The following SLC10A7 variants were observed in gnomAD, a reference collection of about 807,000 sequenced individuals.
SLC10A7 encodes the protein solute carrier family 10 member 7.
SLC10A7 carries 29 observed loss-of-function variants against 43.2 expected under a neutral mutation model. That is an observed-to-expected ratio of 0.67 (90% CI 0.50 to 0.92). SLC10A7 has a LOEUF of 0.92. Among genes scored for constraint, SLC10A7 ranks in the 40% least tolerant of loss-of-function variants. SLC10A7 has a pLI of 0.00. For missense variants in SLC10A7, 295 were observed against 403.2 expected (o/e 0.73, Z 2.30); for synonymous variants, 152 against 144.8 (o/e 1.05, Z -0.35).
chr4:146,492,226 A>G (rs1735526180), intron 4 of SLC10A7, among the ~76,000 whole-genome samples: 1 of 152,008 alleles, frequency 6.6e-6, no homozygotes. Context: ...TCTCAAAAAA[A>G]AAAAAGGAAG....
At chr4:146,425,899 C>T (rs1403960264) in intron 5 of SLC10A7, among the ~76,000 whole-genome samples, 1 of 152,168 alleles carries the variant, frequency 6.6e-6, no homozygotes, top group East Asian at 1.9e-4. Flanking sequence ...AGAATTACCT[C>T]CCTACCTCTG....
chr4:146,399,327 T>C (rs1739057362), intron 5 of SLC10A7, among the ~76,000 whole-genome samples: 1 of 152,092 alleles, frequency 6.6e-6, no homozygotes, highest in Admixed American at 6.6e-5. Context: ...CTGGTTGGGA[T>C]AAGGAGTGTA....
chr4:146,302,016 C>T (rs1040027066), intron 7 of SLC10A7, among the ~76,000 whole-genome samples: 15 of 152,028 alleles, frequency 9.9e-5, no homozygotes, highest in African/African-American at 3.6e-4. Flanking sequence ...TTCATTATTC[C>T]CTCGGGATAA....
At chr4:146,323,943 T>C (rs896703717) in intron 6 of SLC10A7, among the ~76,000 whole-genome samples, 5 of 152,100 alleles carry the variant, frequency 3.3e-5, no homozygotes, top group African/African-American at 1.2e-4. Context: ...GAGCCCAAAA[T>C]CTCCTTAAGC....
At chr4:146,439,383 T>C (rs1730437764) in intron 5 of SLC10A7, among the ~76,000 whole-genome samples, 1 of 152,096 alleles carries the variant, frequency 6.6e-6, no homozygotes, top group Admixed American at 6.6e-5. Context: ...CTTCAAAAAT[T>C]CTTTTAATAA....
chr4:146,465,922 T>A (rs1033735737), intron 4 of SLC10A7, among the ~76,000 whole-genome samples: 1 of 152,204 alleles, frequency 6.6e-6, no homozygotes, highest in African/African-American at 2.4e-5. Context: ...ACAGCTTAAA[T>A]CCAAATTGTG....
At chr4:146,468,986 A>C (rs1291436890) in intron 4 of SLC10A7, among the ~76,000 whole-genome samples, 5 of 152,148 alleles carry the variant, frequency 3.3e-5, no homozygotes, top group Admixed American at 1.3e-4. Flanking sequence ...AGGTCTTCAC[A>C]GTTCTAATTA....
chr4:146,342,212 C>G (rs911839649), intron 5 of SLC10A7, among the ~76,000 whole-genome samples: 1 of 151,612 alleles, frequency 6.6e-6, no homozygotes, highest in Non-Finnish European at 1.5e-5. Flanking sequence ...ATAAGCACAC[C>G]TCATTCTTTT....
chr4:146,506,378 G>A (rs1309728517), intron 3 of SLC10A7, among the ~76,000 whole-genome samples: 2 of 152,214 alleles, frequency 1.3e-5, no homozygotes, highest in African/African-American at 4.8e-5. Context: ...GGAGGCAGAA[G>A]AGTCAATGCA....
chr4:146,394,988 C>A (rs1560867307), intron 5 of SLC10A7, among the ~76,000 whole-genome samples: 1 of 152,126 alleles, frequency 6.6e-6, no homozygotes, highest in South Asian at 2.1e-4. Context: ...TTCCATAAAG[C>A]CTTCCTTGAT....
intron 3 of SLC10A7, among the ~76,000 whole-genome samples, chr4:146,504,720 T>A (rs981146465): frequency 6.6e-6 from 1 of 152,188 alleles, no homozygotes; most frequent in Non-Finnish European, 1.5e-5. Flanking sequence ...TTTCTTTCTA[T>A]AGAAGAGCAG....
At chr4:146,488,398 T>C (rs1265195557) in intron 4 of SLC10A7, among the ~76,000 whole-genome samples, 1 of 152,098 alleles carries the variant, frequency 6.6e-6, no homozygotes, top group Non-Finnish European at 1.5e-5. Context: ...GAAAAAAATA[T>C]TTATTGAGCA....
intron 5 of SLC10A7, among the ~76,000 whole-genome samples, chr4:146,396,887 T>A (rs1252383389): frequency 1.3e-5 from 2 of 150,712 alleles, no homozygotes; most frequent in Non-Finnish European, 3.0e-5. Context: ...GTCACCAAGA[T>A]TTAAACACAA....
intron 5 of SLC10A7, among the ~76,000 whole-genome samples, chr4:146,357,884 T>C (rs1735767680): frequency 6.6e-6 from 1 of 152,124 alleles, no homozygotes; most frequent in Admixed American, 6.5e-5. Context: ...GCAGTTTTCC[T>C]ACAGGTCAAG....
chr4:146,337,825 G>A (rs1733994511), intron 5 of SLC10A7, among the ~76,000 whole-genome samples: 1 of 151,690 alleles, frequency 6.6e-6, no homozygotes, highest in African/African-American at 2.4e-5. Flanking sequence ...AATGTGCAAA[G>A]GAGGAAGCAG....
intron 7 of SLC10A7, among the ~76,000 whole-genome samples, chr4:146,295,292 A>G (rs1292119977): frequency 6.6e-6 from 1 of 152,174 alleles, no homozygotes; most frequent in Non-Finnish European, 1.5e-5. Flanking sequence ...CAGGTACAAA[A>G]TCCTGAAGGT....
chr4:146,310,474 C>T (rs1253735961), intron 6 of SLC10A7, among the ~76,000 whole-genome samples: 1 of 152,116 alleles, frequency 6.6e-6, no homozygotes, highest in African/African-American at 2.4e-5. Flanking sequence ...TCTGTAGCCT[C>T]TCCAGTATCT....
Position 146,461,217 on chromosome 4 carries a change from G to A in SLC10A7, c.397-18396C>T, listed in dbSNP as rs144789787. Among the ~76,000 whole-genome samples the A allele has an allele frequency of 8.0e-3, 1,223 of 152,006 alleles. 6 individuals carry two copies. The highest frequency in any genetic ancestry group is 0.02 in the Middle Eastern group (6 of 294). ...TGTTTTAATTTAAAATCATCACAGA[G>A]GCATTTATAAAATACTAGAACTAGC... On this transcript the variant is annotated intron_variant, in intron 4 of 11. Coordinates refer to ENST00000335472, the MANE Select transcript of SLC10A7 (RefSeq NM_001029998.6).
intron 10 of SLC10A7, among the ~76,000 whole-genome samples, chr4:146,266,120 G>C (rs1728536397): frequency 6.6e-6 from 1 of 152,180 alleles, no homozygotes; most frequent in African/African-American, 2.4e-5. Context: ...CTGGAATCCA[G>C]TTGCTTCTCT....
Sources: gnomAD v4.1 joint callset for allele counts (sites outside exome capture counted in the v4.1 genomes callset) on GRCh38, gnomAD v4.1.1 for gene constraint, MANE v1.5 for transcripts, NCBI Gene and HGNC (gene_info 2026-07-23, HGNC 2026-07-21) for gene names.